GARIN5B: variants seen among roughly 807,000 people sequenced by gnomAD.
GARIN5B encodes the protein Golgi-associated RAB2 interactor protein 5B.
At chr19:55,362,439 G>A in the GARIN5B span, 8 of 1,550,122 alleles carry the variant, frequency 5.2e-6, no homozygotes, top group East Asian at 2.4e-5. Flanking sequence ...GAGACCAGGC[G>A]CAGCTTCAGG....
the GARIN5B span, chr19:55,358,187 T>C: frequency 6.5e-7 from 1 of 1,534,998 alleles, no homozygotes; most frequent in South Asian, 1.2e-5. Flanking sequence ...CTGTATCTCC[T>C]CTGCCTTGGT....
the GARIN5B span, chr19:55,359,706 T>C: frequency 6.4e-7 from 1 of 1,551,404 alleles, no homozygotes; most frequent in Non-Finnish European, 8.7e-7. Flanking sequence ...TGGGAGCCCA[T>C]AGGCCCGGCC....
the GARIN5B span, chr19:55,362,947 C>A: frequency 6.7e-7 from 1 of 1,503,674 alleles, no homozygotes; most frequent in South Asian, 1.3e-5. Context: ...ACATGGGCAG[C>A]GGACGGAGGG....
chr19:55,358,472 C>T, the GARIN5B span: 63 of 1,533,464 alleles, frequency 4.1e-5, no homozygotes, highest in Non-Finnish European at 5.3e-5. Context: ...GGGCTTGGAG[C>T]GAAAGGGCAC....
At chr19:55,359,662 G>C in the GARIN5B span, 1 of 1,551,618 alleles carries the variant, frequency 6.4e-7, no homozygotes, top group Non-Finnish European at 8.7e-7. Flanking sequence ...GGCCAGATGG[G>C]GCCTTCTGGC....
chr19:55,358,964 G>A, the GARIN5B span: 1,120 of 1,551,192 alleles, frequency 7.2e-4, 7 homozygotes, highest in African/African-American at 0.014. Context: ...GCCCCTGAAG[G>A]CCTCCAGGGT....
the GARIN5B span, chr19:55,358,091 C>T: frequency 3.6e-6 from 5 of 1,381,786 alleles, no homozygotes; most frequent in East Asian, 1.4e-4. Flanking sequence ...GTGATCATCT[C>T]TGTCTCATAA....
the GARIN5B span, among the ~76,000 whole-genome samples, chr19:55,356,561 C>T: frequency 6.6e-6 from 1 of 152,004 alleles, no homozygotes; most frequent in Non-Finnish European, 1.5e-5. Context: ...CCTCCTCGGC[C>T]TCCCAAAGTG....
the GARIN5B span, among the ~76,000 whole-genome samples, chr19:55,360,276 T>C: frequency 0.053 from 452 of 8,538 alleles, 1 homozygote; most frequent in African/African-American, 0.093. Flanking sequence ...AGGCCCCAGC[T>C]CCTCCTCCCT....
chr19:55,362,968 G>A, the GARIN5B span: 101 of 1,495,874 alleles, frequency 6.8e-5, no homozygotes, highest in Non-Finnish European at 8.5e-5. Flanking sequence ...GCAGGTACTC[G>A]CCCTTCTGGA....
the GARIN5B span, among the ~76,000 whole-genome samples, chr19:55,360,477 G>GGGCCT: frequency 7.0e-6 from 1 of 143,082 alleles, no homozygotes; most frequent in Non-Finnish European, 1.5e-5. Context: ...CTCAGATCTA[G>GGGCCT]GAGTCCAGGC....
chr19:55,355,756 C>T, the GARIN5B span, among the ~76,000 whole-genome samples: 30 of 152,106 alleles, frequency 2.0e-4, no homozygotes, highest in Non-Finnish European at 8.8e-5. Flanking sequence ...GGGGCAGAGG[C>T]GGGAGGATTG....
the GARIN5B span, chr19:55,361,048 C>A: frequency 1.9e-6 from 3 of 1,550,852 alleles, no homozygotes; most frequent in Non-Finnish European, 1.7e-6. Flanking sequence ...CAGCTGCGAC[C>A]AGATGAGGGG....
the GARIN5B span, chr19:55,360,986 G>A: frequency 1.9e-6 from 3 of 1,547,462 alleles, no homozygotes; most frequent in East Asian, 4.9e-5. Context: ...CCGGCAACAA[G>A]ACCCCACGCC....
chr19:55,359,627 A>G, the GARIN5B span: 1 of 1,550,574 alleles, frequency 6.4e-7, no homozygotes, highest in African/African-American at 1.4e-5. Flanking sequence ...GTCAACAAGG[A>G]ACGGTGCCTT....
chr19:55,359,581 C>T, the GARIN5B span: 8 of 1,550,686 alleles, frequency 5.2e-6, no homozygotes, highest in Admixed American at 3.9e-5. Context: ...GGGGTTTCCA[C>T]GATGAAGCAG....
chr19:55,362,148 G>T, the GARIN5B span: 4 of 1,417,764 alleles, frequency 2.8e-6, no homozygotes, highest in Non-Finnish European at 2.8e-6. Flanking sequence ...CCAGGCCCCC[G>T]GCCTAGACTT....
the GARIN5B span, chr19:55,362,954 A>G: frequency 6.7e-7 from 1 of 1,503,466 alleles, no homozygotes; most frequent in Non-Finnish European, 8.9e-7. Context: ...CAGCGGACGG[A>G]GGGGCAGGTA....
chr19:55,362,931 T>C, the GARIN5B span: 10 of 1,503,462 alleles, frequency 6.7e-6, no homozygotes, highest in African/African-American at 1.3e-4. Context: ...ACAAAGTTAC[T>C]CTCGAACATG....
Sources: gnomAD v4.1 joint callset for allele counts (sites outside exome capture counted in the v4.1 genomes callset) on GRCh38, gnomAD v4.1.1 for gene constraint, MANE v1.5 for transcripts, NCBI Gene and HGNC (gene_info 2026-07-23, HGNC 2026-07-21) for gene names.